ZGRF1: variants seen among roughly 807,000 people sequenced by gnomAD.
ZGRF1 encodes 5'-3' DNA helicase ZGRF1.
In ZGRF1, 196 loss-of-function variants were observed where a neutral mutation model predicts 203.5. That is an observed-to-expected ratio of 0.96 (90% confidence interval 0.86 to 1.08). The LOEUF is 1.08. ZGRF1 is among the 50% of genes least tolerant of loss of function. The probability of loss-of-function intolerance (pLI) is 0.00; values close to 1 mark genes in which losing one functional copy is unlikely to be tolerated. For missense variants in ZGRF1, 2,326 were observed against 2,416.3 expected, an observed-to-expected ratio of 0.96 and a Z score of 0.78; for synonymous variants, 809 against 841.3, an observed-to-expected ratio of 0.96 and a Z score of 0.66.
At chr4:112,628,509 T>A (rs151072738) in intron 3 of ZGRF1, 4 of 446,174 alleles carry the variant, frequency 9.0e-6, no homozygotes, top group African/African-American at 2.0e-5. Context: ...ATGAATAACT[T>A]TGACAGAATT....
chr4:112,573,184 A>ACC (rs1370375633), intron 16 of ZGRF1, among the ~76,000 whole-genome samples: 2 of 151,510 alleles, frequency 1.3e-5, no homozygotes, highest in Non-Finnish European at 3.0e-5. Context: ...ACACACACAC[A>ACC]CACACACACA....
Position 112,558,354 on chromosome 4 carries a change from TA to T in ZGRF1, c.4961-46del. Reference sequence around the variant, plus strand: ...AAAAAAATAAAAAGCATAAAATAAATAAATTTCTTTTTTCTTTTCTTTTTCT... The same window carrying T: ...AAAAAAATAAAAAGCATAAAATAAATAATTTCTTTTTTCTTTTCTTTTTCT... On this transcript the variant is annotated intron_variant, in intron 19 of 27. Coordinates refer to ENST00000505019, the MANE Select transcript of ZGRF1 (RefSeq NM_018392.5). 3 of 1,395,972 alleles carry T rather than the reference TA, an allele frequency of 2.1e-6. No individual in the cohort carries two copies. In the East Asian group the frequency reaches 8.8e-5, roughly 41 times the overall value. 86.5% of individuals were successfully genotyped at this position (1,395,972 alleles called of 1,614,324 possible).
In ZGRF1 at chr4:112,554,046, A is replaced by C. The variant is rs1740474615; in HGVS notation, c.5199-64T>G. ...TTTCATAACATCACAGTAAAGCAAA[A>C]TATAGATTTTCTTTTTTTTATTATA... On this transcript the variant is annotated intron_variant, in intron 21 of 27. Coordinates refer to ENST00000505019, the MANE Select transcript of ZGRF1 (RefSeq NM_018392.5). The C allele has an allele frequency of 6.4e-6, 9 of 1,412,578 alleles. No individual in the cohort carries two copies. The Admixed American group carries it at 1.8e-4, about 29-fold the overall frequency. 87.5% of individuals were successfully genotyped at this position (1,412,578 alleles called of 1,614,324 possible). A position where few individuals can be genotyped will look rare whatever the true frequency, so the allele number is the denominator to read the frequency against.
chr4:112,597,539 T>C (rs1004792336), intron 10 of ZGRF1, among the ~76,000 whole-genome samples: 57 of 151,394 alleles, frequency 3.8e-4, no homozygotes, highest in African/African-American at 1.3e-3. Context: ...ATAATAATAA[T>C]AGTAATAGTA....
chr4:112,557,540 T>C (rs185863336), intron 20 of ZGRF1, among the ~76,000 whole-genome samples: 1 of 152,276 alleles, frequency 6.6e-6, no homozygotes, highest in Admixed American at 6.5e-5. Context: ...GGACTTTTAC[T>C]TATGGCACAG....
chr4:112,589,667 TA>T, intron 11 of ZGRF1, 56 bp downstream of exon 11: 1 of 1,479,510 alleles, frequency 6.8e-7, no homozygotes, highest in Non-Finnish European at 9.4e-7. Context: ...ATCTCTCAAA[TA>T]AAAAACTTCA....
At chr4:112,549,594 C>A (rs1739500597) in intron 22 of ZGRF1, among the ~76,000 whole-genome samples, 1 of 152,084 alleles carries the variant, frequency 6.6e-6, no homozygotes, top group Admixed American at 6.5e-5. Flanking sequence ...CAGCACAATG[C>A]ATTTATTCAT....
intron 10 of ZGRF1, among the ~76,000 whole-genome samples, chr4:112,595,935 T>G (rs1748931974): frequency 2.0e-5 from 3 of 152,236 alleles, no homozygotes; most frequent in African/African-American, 7.2e-5. Flanking sequence ...GAATTTCTTG[T>G]AAGTCCAGAG....
At chr4:112,573,167 TACACAC>T (rs145611842) in intron 16 of ZGRF1, among the ~76,000 whole-genome samples, 10,988 of 145,560 alleles carry the variant, frequency 0.075, 477 homozygotes, top group East Asian at 0.19. Context: ...GAAATTGTGA[TACACAC>T]ACACACACAC....
rs1403391433 is a variant in ZGRF1 at position 112,632,000 on chromosome 4, G to A, written c.32C>T (p.Thr11Ile). 1.9e-6 allele frequency: 3 copies of A among 1,553,684 alleles called. No individual in the cohort carries two copies. Among genetic ancestry groups the A allele is most frequent in the Admixed American group, 1.8e-5 (1 of 55,562 alleles). MESQEFIVLY[T>I]HQKMKKSKVW... ...TTTTGACTTCTTCATCTTTTGATGA[G>A]TATATAGAACCTTATTTCCAAAAAT... is the stretch of plus-strand genomic sequence containing the variant. Residue 11 changes from threonine to isoleucine, a missense_variant, in exon 3 of 28, where the codon ACT becomes ATT. Thr to Ile is a moderately conservative substitution (Grantham distance 89). Coordinates refer to ENST00000505019, the MANE Select transcript of ZGRF1 (RefSeq NM_018392.5).
chr4:112,599,837 C>T lies in ZGRF1; in HGVS notation c.2976+3687G>A, dbSNP rs1749655672. 1.3e-5 allele frequency among the ~76,000 whole-genome samples: 2 copies of T among 151,928 alleles called. 1 individual carries two copies. The highest frequency in any genetic ancestry group is 4.2e-4 in the South Asian group (2 of 4,818). ...TAATATATGGACCCTTGATTCATGG[C>T]AAAGGAATGAAGAAAAGATAGCTTT... On this transcript the variant is annotated intron_variant, in intron 10 of 27. Coordinates refer to ENST00000505019, the MANE Select transcript of ZGRF1 (RefSeq NM_018392.5).
In ZGRF1 at chr4:112,605,883, CTT is replaced by C; in HGVS notation, c.2802+123_2802+124del. 4.4e-6 allele frequency: 3 copies of C among 684,376 alleles called. No individual in the cohort carries two copies. In the South Asian group the frequency reaches 4.9e-5, roughly 11 times the overall value. The allele number at this position is 684,376 out of a possible 1,614,324, so 42.4% of individuals were successfully genotyped here. A position where few individuals can be genotyped will look rare whatever the true frequency, so the allele number is the denominator to read the frequency against. On this transcript the variant is annotated intron_variant, in intron 9 of 27. Transcript: ENST00000505019. ...AGTTTTTCTTGTTCTTAAAACCAGACTTATTTATTATGCTACTAACCTTCTGC... is the reference window on the plus strand; with the variant it reads ...AGTTTTTCTTGTTCTTAAAACCAGACATTTATTATGCTACTAACCTTCTGC...
At chr4:112,630,071 T>C (rs1163906819) in intron 3 of ZGRF1, 1 of 162,304 alleles carries the variant, frequency 6.2e-6, no homozygotes, top group East Asian at 1.9e-4. Flanking sequence ...TGCTTGAACA[T>C]TAAGCTAAAA....
At position 112,554,911 on chromosome 4, in the gene ZGRF1, C is replaced by T. The variant is rs1740656702; in HGVS notation, c.5121-129G>A. The stretch of plus-strand genomic sequence containing the variant: ...TAATTATAAAATTTAATGTGAAATA[C>T]CTAAACTCAAACAAAGTAAATGCAA... On this transcript the variant is annotated intron_variant, in intron 20 of 27. Coordinates refer to ENST00000505019, the MANE Select transcript of ZGRF1 (RefSeq NM_018392.5). The T allele has an allele frequency of 1.0e-5, 5 of 479,942 alleles. No individual in the cohort carries two copies. In the East Asian group the frequency reaches 1.7e-4, roughly 16 times the overall value. 29.7% of individuals were successfully genotyped at this position (479,942 alleles called of 1,614,324 possible).
intron 3 of ZGRF1, among the ~76,000 whole-genome samples, chr4:112,626,127 G>A (rs2047232474): frequency 6.6e-6 from 1 of 152,130 alleles, no homozygotes; most frequent in African/African-American, 2.4e-5. Context: ...AATTGCCAAT[G>A]AGTATGAGAT....
In ZGRF1 at chr4:112,539,867, G is replaced by C; in HGVS notation, c.6168C>G (p.Cys2056Trp). Residue 2056 changes from cysteine to tryptophan, a missense_variant, in exon 27 of 28, where the codon TGC becomes TGG. By Grantham distance (215) the Cys-to-Trp change is radical. Transcript: ENST00000505019. Reference protein sequence around the residue: ...NQLWGRVIQHCEGREDGLQHA... With the variant: ...NQLWGRVIQHWEGREDGLQHA... ...TTAAACCCATTTTTATTTTACCTTC[G>C]CAGTGTTGGATCACTCGTCCCCAAA... 6.2e-7 allele frequency: 1 copy of C among 1,613,370 alleles called. No homozygotes were observed. Among genetic ancestry groups the C allele is most frequent in the Non-Finnish European group, 8.5e-7 (1 of 1,179,602 alleles).
intron 4 of ZGRF1, among the ~76,000 whole-genome samples, chr4:112,622,990 G>A (rs2047112719): frequency 6.6e-6 from 1 of 151,882 alleles, no homozygotes. Context: ...CCGTTTCTCA[G>A]TAGGCTTCAA....
chr4:112,629,977 C>T, intron 3 of ZGRF1: 3 of 265,980 alleles, frequency 1.1e-5, no homozygotes, highest in Admixed American at 4.5e-5. Context: ...CAAGACTGTG[C>T]CACTGCACTC....
intron 9 of ZGRF1, chr4:112,605,552 T>A (rs1040279062): frequency 6.4e-6 from 1 of 155,474 alleles, no homozygotes; most frequent in African/African-American, 2.4e-5. Context: ...ACAAAACCCA[T>A]CCATTTTTAT....
Sources: allele counts gnomAD v4.1 joint callset (sites outside exome capture counted in the v4.1 genomes callset), GRCh38; gene constraint gnomAD v4.1.1; transcripts MANE v1.5; gene names NCBI Gene and HGNC (gene_info 2026-07-23, HGNC 2026-07-21).